The following NRXN3 variants were observed in gnomAD, a reference collection of about 807,000 sequenced individuals.
The protein encoded by NRXN3 is neurexin 3, also known as neurexin III.
In NRXN3, 32 loss-of-function variants were observed where a neutral mutation model predicts 137.6. The observed-to-expected ratio is 0.23, with a 90% confidence interval of 0.18 to 0.31. The LOEUF is 0.31. Ranked by LOEUF, NRXN3 falls within the 10% of genes least tolerant of loss-of-function variation. NRXN3 has a pLI of 1.00. For missense variants in NRXN3, 1,574 were observed against 2,062.5 expected, an observed-to-expected ratio of 0.76 and a Z score of 4.59; for synonymous variants, 798 against 784.5, an observed-to-expected ratio of 1.02 and a Z score of -0.29.
intron 15 of NRXN3, among the ~76,000 whole-genome samples, chr14:79,240,605 A>G (rs1197442852): frequency 6.6e-6 from 1 of 152,162 alleles, no homozygotes; most frequent in African/African-American, 2.4e-5. Context: ...AATGCACACC[A>G]GTGAGAGATC....
chr14:78,925,554 A>G (rs1176475386), intron 10 of NRXN3, among the ~76,000 whole-genome samples: 1 of 152,182 alleles, frequency 6.6e-6, no homozygotes, highest in African/African-American at 2.4e-5. Flanking sequence ...GTTTTTGCCA[A>G]ACCCTCCCTA....
chr14:79,127,850 C>G (rs1262063387), intron 15 of NRXN3, among the ~76,000 whole-genome samples: 2 of 151,826 alleles, frequency 1.3e-5, no homozygotes, highest in South Asian at 2.1e-4. Context: ...CTTTTATTTC[C>G]TTGAGCAGTG....
At chr14:79,590,375 G>A (rs558335831) in intron 16 of NRXN3, among the ~76,000 whole-genome samples, 49 of 133,002 alleles carry the variant, frequency 3.7e-4, no homozygotes, top group African/African-American at 1.4e-3. Flanking sequence ...CCTCCCCAGC[G>A]ATGTGGAACT....
intron 19 of NRXN3, among the ~76,000 whole-genome samples, chr14:79,749,913 T>C (rs1035809576): frequency 3.9e-5 from 6 of 152,144 alleles, no homozygotes; most frequent in Admixed American, 6.6e-5. Flanking sequence ...TGAAAACAAA[T>C]GAATAACTAT....
chr14:79,084,490 A>T lies in NRXN3; in HGVS notation c.3262+96349A>T, dbSNP rs78678622. ...ATTAAAGCCTAATAAATAATAAAAAAGTACTGTCACTCCCCACATGAGACA... is the reference window on the plus strand; with the variant it reads ...ATTAAAGCCTAATAAATAATAAAAATGTACTGTCACTCCCCACATGAGACA... On this transcript the variant is annotated intron_variant, in intron 15 of 20. Coordinates refer to ENST00000335750, the MANE Select transcript of NRXN3 (RefSeq NM_001330195.2). Among the ~76,000 whole-genome samples the T allele has an allele frequency of 5.2e-3, 785 of 152,302 alleles. 7 individuals carry two copies. Among genetic ancestry groups the T allele is most frequent in the African/African-American group, 0.018 (741 of 41,568 alleles).
chr14:78,658,602 A>G (rs1239631501), intron 6 of NRXN3, among the ~76,000 whole-genome samples: 1 of 152,210 alleles, frequency 6.6e-6, no homozygotes, highest in African/African-American at 2.4e-5. Flanking sequence ...GTTAATTAGA[A>G]AATTATACAA....
In NRXN3 at chr14:79,861,305, G is replaced by A. The variant is rs2099413516; in HGVS notation, c.4094-37G>A. On this transcript the variant is annotated intron_variant, in intron 20 of 20. Transcript: ENST00000335750. This position sits in a 1 kb window ranked among gnomAD's most constrained non-coding sequence, Gnocchi z 5.4. ...TGACTCTAACCTGCCCCCTACTGAT[G>A]ATGAAGATTTTTACACCACCTTCTC... 3 of 1,535,942 alleles carry A rather than the reference G, an allele frequency of 2.0e-6. No homozygotes were observed.
intron 15 of NRXN3, among the ~76,000 whole-genome samples, chr14:79,143,781 G>C (rs1176926247): frequency 2.0e-5 from 3 of 152,114 alleles, no homozygotes; most frequent in Admixed American, 6.5e-5. Context: ...TTTTCTCCCT[G>C]TGTGATTATT....
chr14:78,760,874 G>T (rs2098690209), intron 8 of NRXN3, among the ~76,000 whole-genome samples: 1 of 152,150 alleles, frequency 6.6e-6, no homozygotes, highest in Non-Finnish European at 1.5e-5. Flanking sequence ...CTCATGAGGA[G>T]ATAGGAGGAA....
At chr14:79,256,220 A>G (rs1227789994) in intron 15 of NRXN3, among the ~76,000 whole-genome samples, 1 of 151,490 alleles carries the variant, frequency 6.6e-6, no homozygotes, top group Admixed American at 6.6e-5. Flanking sequence ...CCAGAAGAGC[A>G]TTTTGGCCAC....
chr14:78,967,492 C>A (rs2099421466), intron 13 of NRXN3, 94 bp downstream of exon 13: 23 of 830,000 alleles, frequency 2.8e-5, no homozygotes, highest in Non-Finnish European at 4.4e-5. Context: ...GAGTGCCATG[C>A]ATTTTTGATA....
chr14:79,301,041 G>T (rs1005942765), intron 15 of NRXN3, among the ~76,000 whole-genome samples: 2 of 152,068 alleles, frequency 1.3e-5, no homozygotes, highest in Non-Finnish European at 2.9e-5. Flanking sequence ...TCTACTAGTT[G>T]CAGGGACATA....
chr14:78,551,847 T>A (rs1261028138), intron 4 of NRXN3, among the ~76,000 whole-genome samples: 2 of 152,150 alleles, frequency 1.3e-5, no homozygotes, highest in Non-Finnish European at 2.9e-5. Flanking sequence ...TCAAAGTATT[T>A]TTTTTAAATA....
intron 19 of NRXN3, among the ~76,000 whole-genome samples, chr14:79,768,966 C>T (rs1374053119): frequency 2.6e-5 from 4 of 151,028 alleles, no homozygotes; most frequent in Non-Finnish European, 3.0e-5. Flanking sequence ...TCGAGAACTA[C>T]GTGAAGAACG....
At chr14:78,934,644 G>T (rs1056629952) in intron 10 of NRXN3, among the ~76,000 whole-genome samples, 1 of 152,136 alleles carries the variant, frequency 6.6e-6, no homozygotes, top group South Asian at 2.1e-4. Context: ...AAAATGATGA[G>T]TTCATGTCCT....
At chr14:79,410,006 C>A (rs1292010048) in intron 15 of NRXN3, among the ~76,000 whole-genome samples, 1 of 151,832 alleles carries the variant, frequency 6.6e-6, no homozygotes, top group African/African-American at 2.4e-5. Context: ...TTTAACTCTA[C>A]AAAATGGCCA....
intron 15 of NRXN3, among the ~76,000 whole-genome samples, chr14:79,106,505 TA>T (rs2052468830): frequency 6.6e-6 from 1 of 151,852 alleles, no homozygotes; most frequent in Admixed American, 6.6e-5. Flanking sequence ...TTAAGTGCAT[TA>T]AAAAAAGAGC....
intron 15 of NRXN3, among the ~76,000 whole-genome samples, chr14:79,348,669 G>T (rs1227289336): frequency 2.6e-5 from 4 of 152,244 alleles, no homozygotes; most frequent in Admixed American, 2.6e-4. Flanking sequence ...AAGCCACCGC[G>T]CCCGGCCTAA....
chr14:78,380,013 C>T (rs1159658454), intron 4 of NRXN3, among the ~76,000 whole-genome samples: 2 of 152,004 alleles, frequency 1.3e-5, no homozygotes, highest in African/African-American at 4.8e-5. Flanking sequence ...TAAAATACTT[C>T]AGTATAAATC....
Sources: gnomAD v4.1 joint callset for allele counts (sites outside exome capture counted in the v4.1 genomes callset) on GRCh38, gnomAD v4.1.1 for gene constraint, Gnocchi (gnomAD v3.1) non-coding constraint, MANE v1.5 for transcripts, NCBI Gene and HGNC (gene_info 2026-07-23, HGNC 2026-07-21) for gene names.